RYR3: variants seen among roughly 807,000 people sequenced by gnomAD.
RYR3 encodes ryanodine receptor 3.
In RYR3, 207 loss-of-function variants were observed where a neutral mutation model predicts 584.3. The ratio of observed to expected loss-of-function variants is 0.35; its 90% CI spans 0.32 to 0.40. The LOEUF (loss-of-function observed/expected upper bound fraction) is 0.40, where lower values mean the gene tolerates loss of function less well. RYR3 is among the 10% of genes least tolerant of loss of function. The probability of loss-of-function intolerance (pLI) is 1.00; values close to 1 mark genes in which losing one functional copy is unlikely to be tolerated. For synonymous variants in RYR3, 2,416 were observed against 2,248.5 expected (o/e 1.07, Z -2.11); for missense variants, 5,616 against 6,089.2 (o/e 0.92, Z 2.59).
Position 33,635,699 on chromosome 15 carries a change from G to A in RYR3, c.3261G>A (p.Trp1087Ter). 1.2e-6 allele frequency: 2 copies of A among 1,614,010 alleles called. No individual in the cohort carries two copies. The highest frequency in any genetic ancestry group is 1.7e-6 in the Non-Finnish European group (2 of 1,179,910). Residue 1087 changes from tryptophan to a stop codon, truncating the protein, a stop_gained, in exon 26 of 104, where the codon TGG becomes TGA. Transcript: ENST00000634891. LOFTEE classifies it high-confidence loss of function. ...ERSYAVRSGK[W>*]YFEFEVVTGG... ...CTTATGCAGTGAGATCTGGAAAGTG[G>A]TATTTTGAGTTTGAAGTGGTGACTG...
At chr15:33,724,221 C>A in intron 45 of RYR3, 45 bp downstream of exon 45, 1 of 1,047,428 alleles carries the variant, frequency 9.5e-7, no homozygotes, top group Non-Finnish European at 1.5e-6. Flanking sequence ...AAACCTATGC[C>A]AAGAACACTA....
In RYR3 at chr15:33,575,571, A is replaced by T. The variant is rs1254052086; in HGVS notation, c.1269-4405A>T. ...AAGAAGTTCTTTGAAACCAGTAAGAACAAAGAGACAATGTACCAGAATCTC... is the reference window on the plus strand; with the variant it reads ...AAGAAGTTCTTTGAAACCAGTAAGATCAAAGAGACAATGTACCAGAATCTC... On this transcript the variant is annotated intron_variant, in intron 12 of 103. Coordinates refer to ENST00000634891, the MANE Select transcript of RYR3 (RefSeq NM_001036.6). 3.9e-5 allele frequency among the ~76,000 whole-genome samples: 6 copies of T among 152,318 alleles called. No individual in the cohort carries two copies. In the East Asian group the frequency reaches 1.2e-3, roughly 29 times the overall value.
At chr15:33,530,768 T>G in intron 4 of RYR3, 102 bp downstream of exon 4, 1 of 833,518 alleles carries the variant, frequency 1.2e-6, no homozygotes, top group Non-Finnish European at 2.0e-6. Flanking sequence ...GCAGGAACAA[T>G]TGGAACATAA....
intron 1 of RYR3, among the ~76,000 whole-genome samples, chr15:33,333,895 C>T (rs1254561247): frequency 6.6e-6 from 1 of 152,176 alleles, no homozygotes; most frequent in Non-Finnish European, 1.5e-5. Context: ...TTCTTCTACA[C>T]TAACAACAGT....
chr15:33,426,994 C>T (rs1042095790), intron 1 of RYR3, among the ~76,000 whole-genome samples: 5 of 152,170 alleles, frequency 3.3e-5, no homozygotes, highest in Non-Finnish European at 5.9e-5. Context: ...AACTATCTCC[C>T]AAAAGCCCCT....
At chr15:33,522,474 C>G (rs1412013599) in intron 3 of RYR3, among the ~76,000 whole-genome samples, 2 of 152,170 alleles carry the variant, frequency 1.3e-5, no homozygotes, top group Admixed American at 6.5e-5. Context: ...TCAGGCACCT[C>G]TGACTCTCGG....
intron 75 of RYR3, 84 bp from the exon 76 acceptor site, chr15:33,818,494 C>T (rs1349561029): frequency 3.1e-6 from 3 of 981,798 alleles, no homozygotes; most frequent in South Asian, 1.5e-5. Context: ...GTGCCTTGCG[C>T]TTTACCTTCT....
chr15:33,732,167 G>GTCAGGAGA (rs1170880087), intron 48 of RYR3, among the ~76,000 whole-genome samples: 4 of 151,674 alleles, frequency 2.6e-5, no homozygotes, highest in Non-Finnish European at 5.9e-5. Context: ...AGATCACGAG[G>GTCAGGAGA]TCAGGAGATC....
chr15:33,589,311 T>C (rs1336703215), intron 16 of RYR3, among the ~76,000 whole-genome samples: 1 of 152,178 alleles, frequency 6.6e-6, no homozygotes, highest in Non-Finnish European at 1.5e-5. Context: ...ATTATTTGTT[T>C]TGTGTTGTTG....
rs543382735 is a variant in RYR3 at position 33,456,343 on chromosome 15, CTGTT to C, written c.52-17072_52-17069del. ...GGATTAACTAGTTAATGGACACTGA[CTGTT>C]TGTAGGCAGCGAGTGGGCAAGCACG... On this transcript the variant is annotated intron_variant, in intron 1 of 103. Coordinates refer to ENST00000634891, the MANE Select transcript of RYR3 (RefSeq NM_001036.6). 1.9e-3 allele frequency among the ~76,000 whole-genome samples: 296 copies of C among 152,296 alleles called. 1 individual carries two copies. The highest frequency in any genetic ancestry group is 3.6e-3 in the Non-Finnish European group (244 of 68,026).
intron 36 of RYR3, among the ~76,000 whole-genome samples, chr15:33,668,268 G>T (rs956604957): frequency 1.3e-5 from 2 of 152,056 alleles, no homozygotes; most frequent in Non-Finnish European, 2.9e-5. Context: ...AGTGAGCCGG[G>T]ATTGTGCCAC....
At chr15:33,400,971 A>G (rs556920119) in intron 1 of RYR3, among the ~76,000 whole-genome samples, 3 of 152,120 alleles carry the variant, frequency 2.0e-5, no homozygotes, top group Non-Finnish European at 4.4e-5. Context: ...GCTTGCCTTA[A>G]CCACCCACTA....
At chr15:33,445,470 A>G (rs1781402819) in intron 1 of RYR3, among the ~76,000 whole-genome samples, 2 of 152,158 alleles carry the variant, frequency 1.3e-5, no homozygotes, top group Admixed American at 6.5e-5. Context: ...GTAGAGACAC[A>G]TGTCTGATTT....
chr15:33,812,964 A>G lies in RYR3; in HGVS notation c.10359A>G (p.Arg3453=). The change falls in exon 73 of 104, where the codon AGA becomes AGG. Residue 3453 remains arginine, a synonymous_variant. Transcript: ENST00000634891. ...AAAAGACAGTGGAGCGTGTGCAGAGAATTTCAGCAGCTGTCTTCCACCTGG... is the reference window on the plus strand; with the variant it reads ...AAAAGACAGTGGAGCGTGTGCAGAGGATTTCAGCAGCTGTCTTCCACCTGG... ...NPEKTVERVQ[R]ISAAVFHLEQ... is the part of the protein sequence containing the mutation. 6.2e-7 allele frequency: 1 copy of G among 1,613,972 alleles called. No homozygotes were observed. Among genetic ancestry groups the G allele is most frequent in the Non-Finnish European group, 8.5e-7 (1 of 1,179,862 alleles).
In RYR3 at chr15:33,511,329, TAAAAAAA is replaced by T. The variant is rs34328973; in HGVS notation, c.279+7607_279+7613del. Reference sequence around the variant, plus strand: ...AAATCCACCCTCTTTTTTCTCTCTTTAAAAAAAAAAAAAAAAAAAAAACTCTTTAGTA... The same window carrying T: ...AAATCCACCCTCTTTTTTCTCTCTTTAAAAAAAAAAAAAAACTCTTTAGTA... On this transcript the variant is annotated intron_variant, in intron 3 of 103. Transcript: ENST00000634891. Among the ~76,000 whole-genome samples the T allele has an allele frequency of 5.8e-3, 696 of 119,370 alleles. 11 individuals carry two copies. The highest frequency in any genetic ancestry group is 0.021 in the African/African-American group (666 of 32,484). 78.3% of individuals were successfully genotyped at this position (119,370 alleles called of 152,430 possible). A position where few individuals can be genotyped will look rare whatever the true frequency, so the allele number is the denominator to read the frequency against.
At chr15:33,361,303 A>T (rs1595852325) in intron 1 of RYR3, among the ~76,000 whole-genome samples, 1 of 152,210 alleles carries the variant, frequency 6.6e-6, no homozygotes, top group East Asian at 1.9e-4. Context: ...AAAGGATAGA[A>T]TCCCTCAGCA....
intron 3 of RYR3, among the ~76,000 whole-genome samples, chr15:33,520,950 G>C (rs2053936455): frequency 6.6e-6 from 1 of 152,136 alleles, no homozygotes; most frequent in Non-Finnish European, 1.5e-5. Flanking sequence ...TTATGGATTG[G>C]GACAAAAGGG....
At chr15:33,416,174 T>C (rs1335406291) in intron 1 of RYR3, among the ~76,000 whole-genome samples, 1 of 152,194 alleles carries the variant, frequency 6.6e-6, no homozygotes, top group African/African-American at 2.4e-5. Context: ...AATGAGTGCA[T>C]GTGTCTTTTT....
Position 33,865,976 on chromosome 15 carries a change from A to G in RYR3, c.*750A>G, listed in dbSNP as rs1044127. The G allele has an allele frequency of 6.5e-6, 1 of 152,978 alleles. No homozygotes were observed. The highest frequency in any genetic ancestry group is 2.1e-4 in the South Asian group (1 of 4,832). 9.5% of individuals were successfully genotyped at this position (152,978 alleles called of 1,614,324 possible). ...ACTGTACTGAAAATTCAGAAAAAAA[A>G]TCTCAACCTTATGCCAAAATGGAGT... On this transcript the variant is annotated 3_prime_UTR_variant, in exon 104 of 104. Transcript: ENST00000634891.
Sources: gnomAD v4.1 joint callset for allele counts (sites outside exome capture counted in the v4.1 genomes callset) on GRCh38, gnomAD v4.1.1 for gene constraint, MANE v1.5 for transcripts, NCBI Gene and HGNC (gene_info 2026-07-23, HGNC 2026-07-21) for gene names.